Variants in CDC14B observed in about 807,000 individuals in gnomAD.
CDC14B encodes the protein dual specificity protein phosphatase CDC14B.
In CDC14B, 22 loss-of-function variants were observed where a neutral mutation model predicts 64.2. That is an observed-to-expected ratio of 0.34 (90% CI 0.24 to 0.49). The LOEUF (loss-of-function observed/expected upper bound fraction) is 0.49, where lower values mean the gene tolerates loss of function less well. Ranked by LOEUF, CDC14B falls within the 20% of genes least tolerant of loss-of-function variation. CDC14B has a pLI of 0.99. For synonymous variants in CDC14B, 191 were observed against 215.8 expected (o/e 0.89, Z 1.01); for missense variants, 498 against 629.9 (o/e 0.79, Z 2.24).
At chr9:96,537,018 C>T (rs1485193982) in intron 7 of CDC14B, among the ~76,000 whole-genome samples, 2 of 152,002 alleles carry the variant, frequency 1.3e-5, no homozygotes, top group African/African-American at 2.4e-5. Flanking sequence ...GGTTGGGTGC[C>T]GTGGCTTACA....
chr9:96,574,137 A>C (rs1844648008), intron 1 of CDC14B, among the ~76,000 whole-genome samples: 1 of 149,346 alleles, frequency 6.7e-6, no homozygotes, highest in Non-Finnish European at 1.5e-5. Flanking sequence ...ACAGAGTGAG[A>C]CTCCATCTCA....
At chr9:96,612,088 G>C (rs7041753) in intron 1 of CDC14B, among the ~76,000 whole-genome samples, 4,157 of 152,220 alleles carry the variant, frequency 0.027, 180 homozygotes, top group African/African-American at 0.094. Context: ...CTTTTACAGG[G>C]AATCTTTCTA....
At chr9:96,551,111 C>CCTTTTTTTTTTTTTTTTT (rs1841744448) in intron 5 of CDC14B, among the ~76,000 whole-genome samples, 3 of 93,296 alleles carry the variant, frequency 3.2e-5, no homozygotes, top group African/African-American at 1.5e-4. Context: ...TTGGGGTTTG[C>CCTTTTTTTTTTTTTTTTT]TTTTTTTTTT....
At chr9:96,505,872 G>A (rs960888676) in intron 13 of CDC14B, among the ~76,000 whole-genome samples, 1 of 152,218 alleles carries the variant, frequency 6.6e-6, no homozygotes, top group African/African-American at 2.4e-5. Flanking sequence ...CATCTTCTGT[G>A]AGAAACAGTG....
At chr9:96,607,459 C>T (rs1264920323) in intron 1 of CDC14B, among the ~76,000 whole-genome samples, 3 of 132,832 alleles carry the variant, frequency 2.3e-5, no homozygotes, top group Non-Finnish European at 3.1e-5. Flanking sequence ...CTCGCTCTGT[C>T]GCCCAGGCTG....
intron 1 of CDC14B, among the ~76,000 whole-genome samples, chr9:96,599,165 A>G (rs1057083111): frequency 3.3e-5 from 5 of 152,196 alleles, no homozygotes; most frequent in African/African-American, 1.2e-4. Context: ...GGATCACCTG[A>G]GGTCAGGAGT....
At chr9:96,596,249 C>T (rs1846064578) in intron 1 of CDC14B, among the ~76,000 whole-genome samples, 1 of 151,406 alleles carries the variant, frequency 6.6e-6, no homozygotes, top group Admixed American at 6.6e-5. Flanking sequence ...GTAGTTCCAG[C>T]TACTCAGGAG....
chr9:96,617,683 A>G (rs1847716037), intron 1 of CDC14B, among the ~76,000 whole-genome samples: 2 of 152,214 alleles, frequency 1.3e-5, no homozygotes, highest in Non-Finnish European at 2.9e-5. Flanking sequence ...AGGCTTCACA[A>G]GAAACTGGGA....
chr9:96,615,032 G>A (rs143043058), intron 1 of CDC14B, among the ~76,000 whole-genome samples: 1,740 of 152,098 alleles, frequency 0.011, 22 homozygotes, highest in Non-Finnish European at 0.016. Context: ...GTAGAGAAGG[G>A]GTTTCACCAT....
At chr9:96,519,808 C>T (rs1225239681) in intron 12 of CDC14B, among the ~76,000 whole-genome samples, 1 of 151,288 alleles carries the variant, frequency 6.6e-6, no homozygotes, top group African/African-American at 2.4e-5. Context: ...TCCTAAGAAT[C>T]ACTAGTACTT....
chr9:96,604,657 CT>C (rs966429622), intron 1 of CDC14B, among the ~76,000 whole-genome samples: 12 of 149,420 alleles, frequency 8.0e-5, no homozygotes, highest in Admixed American at 4.7e-4. Flanking sequence ...CACACCTGGC[CT>C]TTTTTTTTGC....
At chr9:96,551,130 T>TTTTTTTTTTTA (rs1841767054) in intron 5 of CDC14B, among the ~76,000 whole-genome samples, 1 of 127,134 alleles carries the variant, frequency 7.9e-6, no homozygotes, top group African/African-American at 2.9e-5. Flanking sequence ...TTTTTTTTTT[T>TTTTTTTTTTTA]GAGACAAGTT....
intron 9 of CDC14B, among the ~76,000 whole-genome samples, chr9:96,529,384 A>G (rs1398487679): frequency 1.3e-5 from 2 of 152,126 alleles, no homozygotes; most frequent in Middle Eastern, 3.4e-3. Flanking sequence ...TCATTTGACC[A>G]TATACACAAG....
intron 3 of CDC14B, among the ~76,000 whole-genome samples, chr9:96,563,243 G>A (rs1484890929): frequency 1.3e-5 from 2 of 152,218 alleles, no homozygotes; most frequent in Non-Finnish European, 2.9e-5. Flanking sequence ...CTGCTATGGG[G>A]TGCCGCCAGT....
At chr9:96,562,645 C>T (rs1564344291) in intron 4 of CDC14B, 48 bp downstream of exon 4, 7 of 1,173,346 alleles carry the variant, frequency 6.0e-6, no homozygotes, top group Non-Finnish European at 7.7e-6. Context: ...TGTAAAGAAC[C>T]ACTGTTGTGT....
In CDC14B at chr9:96,502,816, A is replaced by C. The variant is rs1034530779; in HGVS notation, c.*937T>G. 7.5e-6 allele frequency: 3 copies of C among 398,654 alleles called. No homozygotes were observed. The highest frequency in any genetic ancestry group is 6.2e-5 in the African/African-American group (3 of 48,588). The allele number at this position is 398,654 out of a possible 1,614,324, so 24.7% of individuals were successfully genotyped here. ...GGTGGATCTCATAAGGGAAAAAAAAAATCCAATGTTACAGGGAAGGACTCT... is the reference window on the plus strand; with the variant it reads ...GGTGGATCTCATAAGGGAAAAAAAACATCCAATGTTACAGGGAAGGACTCT... On this transcript the variant is annotated 3_prime_UTR_variant, in exon 14 of 14. Coordinates refer to ENST00000375241, the MANE Select transcript of CDC14B (RefSeq NM_033331.4).
intron 1 of CDC14B, among the ~76,000 whole-genome samples, chr9:96,583,370 T>TTTTTTATTA (rs1554775481): frequency 1.0e-3 from 146 of 139,090 alleles, no homozygotes; most frequent in East Asian, 1.5e-3. Flanking sequence ...GTTGTATTTA[T>TTTTTTATTA]TTATTATTAT....
At chr9:96,568,392 G>T (rs1844260707) in intron 1 of CDC14B, among the ~76,000 whole-genome samples, 1 of 152,202 alleles carries the variant, frequency 6.6e-6, no homozygotes, top group African/African-American at 2.4e-5. Context: ...AATTCATTGA[G>T]AAGATACCTA....
intron 1 of CDC14B, among the ~76,000 whole-genome samples, chr9:96,577,469 T>C (rs557802985): frequency 1.3e-5 from 2 of 152,278 alleles, no homozygotes; most frequent in South Asian, 4.1e-4. Context: ...TGTCTCCCTC[T>C]ATCACACCAT....
Sources: allele counts gnomAD v4.1 joint callset (sites outside exome capture counted in the v4.1 genomes callset), GRCh38; gene constraint gnomAD v4.1.1; transcripts MANE v1.5; gene names NCBI Gene and HGNC (gene_info 2026-07-23, HGNC 2026-07-21).